The following PTPRD variants were observed in gnomAD, a reference collection of about 807,000 sequenced individuals.
The protein encoded by PTPRD is receptor-type tyrosine-protein phosphatase delta.
In PTPRD, 34 loss-of-function variants were observed where a neutral mutation model predicts 214.5. The observed-to-expected ratio is 0.16, with a 90% CI of 0.12 to 0.21. The LOEUF (loss-of-function observed/expected upper bound fraction) is 0.21, where lower values mean the gene tolerates loss of function less well. Among genes scored for constraint, PTPRD ranks in the 10% least tolerant of loss-of-function variants. The pLI, the probability that PTPRD is intolerant of heterozygous loss-of-function variation, is 1.00. For missense variants in PTPRD, 2,545 were observed against 2,398.7 expected (o/e 1.06, Z -1.27); for synonymous variants, 1,128 against 845.7 (o/e 1.33, Z -5.79).
chr9:10,336,920 G>A (rs2096854248), intron 3 of PTPRD, among the ~76,000 whole-genome samples: 1 of 151,558 alleles, frequency 6.6e-6, no homozygotes, highest in South Asian at 2.1e-4. Context: ...TTCCAGATGT[G>A]CAATGAAGAA....
intron 3 of PTPRD, among the ~76,000 whole-genome samples, chr9:10,225,424 A>G (rs1380376580): frequency 6.6e-6 from 1 of 152,064 alleles, no homozygotes; most frequent in African/African-American, 2.4e-5. Context: ...TTTTACTTTC[A>G]GAGACATTAA....
intron 10 of PTPRD, among the ~76,000 whole-genome samples, chr9:9,075,152 T>A (rs1019185469): frequency 6.6e-6 from 1 of 152,102 alleles, no homozygotes; most frequent in Non-Finnish European, 1.5e-5. Context: ...AAATTTTTAA[T>A]TTTTAATTTT....
chr9:8,727,967 G>A (rs1034562625), intron 12 of PTPRD, among the ~76,000 whole-genome samples: 1 of 152,158 alleles, frequency 6.6e-6, no homozygotes, highest in African/African-American at 2.4e-5. Context: ...CATTTTTGAG[G>A]CCAGGCGCAG....
At chr9:9,653,774 C>G (rs967725337) in intron 7 of PTPRD, among the ~76,000 whole-genome samples, 7 of 152,184 alleles carry the variant, frequency 4.6e-5, no homozygotes, top group African/African-American at 1.7e-4. Context: ...AAGCTCCTTC[C>G]TCTAAAGGGA....
intron 9 of PTPRD, among the ~76,000 whole-genome samples, chr9:9,255,334 A>C (rs79446385): frequency 6.6e-5 from 10 of 152,012 alleles, no homozygotes; most frequent in Non-Finnish European, 1.3e-4. Context: ...TTTAAAAGCC[A>C]TTTGCTTCTT....
intron 2 of PTPRD, among the ~76,000 whole-genome samples, chr9:10,348,616 GA>G (rs1360708618): frequency 2.6e-5 from 4 of 151,840 alleles, no homozygotes; most frequent in Admixed American, 2.0e-4. Context: ...ATTGAAAAAT[GA>G]AAAAAAGTTT....
intron 2 of PTPRD, among the ~76,000 whole-genome samples, chr9:10,436,899 G>A (rs1050121775): frequency 2.0e-5 from 3 of 151,722 alleles, no homozygotes; most frequent in Non-Finnish European, 4.4e-5. Flanking sequence ...TATACTCACG[G>A]AACTAAATAT....
intron 3 of PTPRD, among the ~76,000 whole-genome samples, chr9:10,244,502 G>T (rs1272531742): frequency 8.5e-5 from 13 of 152,112 alleles, no homozygotes. Context: ...AGAGAGATCT[G>T]AGTTTATAGT....
intron 9 of PTPRD, among the ~76,000 whole-genome samples, chr9:9,316,434 A>T (rs1047586149): frequency 6.6e-6 from 1 of 152,166 alleles, no homozygotes; most frequent in Non-Finnish European, 1.5e-5. Context: ...CTTATCCTCA[A>T]ATTAAAAACA....
At chr9:8,480,129 T>A (rs2096849376) in intron 30 of PTPRD, among the ~76,000 whole-genome samples, 1 of 152,158 alleles carries the variant, frequency 6.6e-6, no homozygotes, top group Non-Finnish European at 1.5e-5. Flanking sequence ...GACAAAACAG[T>A]GTGTATAGAA....
At chr9:9,784,345 C>A (rs968873692) in intron 5 of PTPRD, among the ~76,000 whole-genome samples, 1 of 151,842 alleles carries the variant, frequency 6.6e-6, no homozygotes, top group Non-Finnish European at 1.5e-5. Flanking sequence ...AATCTAGTGA[C>A]GTAATTTTTA....
chr9:9,342,002 T>A (rs1312863114), intron 9 of PTPRD, among the ~76,000 whole-genome samples: 1 of 151,932 alleles, frequency 6.6e-6, no homozygotes, highest in African/African-American at 2.4e-5. Context: ...AGAGACAGGA[T>A]TTTGCCATAT....
In PTPRD at chr9:8,730,112, C is replaced by G. The variant is rs374833521; in HGVS notation, c.64+3668G>C. Among the ~76,000 whole-genome samples the G allele has an allele frequency of 6.6e-3, 1,001 of 152,100 alleles. 7 individuals are homozygous for G. The highest frequency in any genetic ancestry group is 0.022 in the African/African-American group (926 of 41,500). ...TCTACTAAATATACAGAAAATTAGC[C>G]GGGCGAGGTGGCGGGCACCTGTAGT... is the stretch of plus-strand genomic sequence containing the variant. On this transcript the variant is annotated intron_variant, in intron 12 of 45. Transcript: ENST00000381196.
At chr9:10,278,079 G>A (rs1318929983) in intron 3 of PTPRD, among the ~76,000 whole-genome samples, 1 of 151,968 alleles carries the variant, frequency 6.6e-6, no homozygotes, top group Non-Finnish European at 1.5e-5. Flanking sequence ...AGAATGGCGT[G>A]AACTTGGGAG....
intron 3 of PTPRD, among the ~76,000 whole-genome samples, chr9:10,034,359 C>T (rs896520169): frequency 4.7e-5 from 7 of 150,388 alleles, no homozygotes; most frequent in African/African-American, 1.7e-4. Context: ...TAAATTCCTG[C>T]CTTTTACTAT....
At chr9:9,396,808 T>C (rs943040976) in intron 9 of PTPRD, among the ~76,000 whole-genome samples, 4 of 152,038 alleles carry the variant, frequency 2.6e-5, no homozygotes, top group Non-Finnish European at 4.4e-5. Context: ...TAGAGTCTTC[T>C]TTCTCTAAGT....
chr9:10,569,183 C>T (rs1046971366), intron 2 of PTPRD, among the ~76,000 whole-genome samples: 4 of 152,118 alleles, frequency 2.6e-5, no homozygotes, highest in African/African-American at 9.7e-5. Flanking sequence ...CTCATCATCA[C>T]TGGCCATCAG....
intron 8 of PTPRD, among the ~76,000 whole-genome samples, chr9:9,547,370 C>T (rs616850): frequency 0.35 from 53,851 of 151,828 alleles, 9,898 homozygotes; most frequent in African/African-American, 0.43. Context: ...ATCCTCTCTC[C>T]CTTTTTATTT....
At chr9:10,251,818 T>C (rs185370293) in intron 3 of PTPRD, among the ~76,000 whole-genome samples, 51 of 152,236 alleles carry the variant, frequency 3.4e-4, no homozygotes, top group Non-Finnish European at 1.9e-4. Flanking sequence ...GTTGAACTCA[T>C]AGAAATAGTA....
Sources: allele counts gnomAD v4.1 joint callset (sites outside exome capture counted in the v4.1 genomes callset), GRCh38; gene constraint gnomAD v4.1.1; transcripts MANE v1.5; gene names NCBI Gene and HGNC (gene_info 2026-07-23, HGNC 2026-07-21).